Variants in DPRX observed in about 807,000 individuals in gnomAD.
DPRX encodes the protein divergent-paired related homeobox.
In DPRX, 11 loss-of-function variants were observed where a neutral mutation model predicts 8.4. The ratio of observed to expected loss-of-function variants is 1.31; its 90% CI spans 0.82 to 2.17. The LOEUF (loss-of-function observed/expected upper bound fraction) is 2.17, where lower values mean the gene tolerates loss of function less well. Among genes scored for constraint, DPRX ranks in the 30% most tolerant of loss-of-function variants. DPRX has a pLI of 0.00. For missense variants in DPRX, 211 were observed against 236.7 expected (o/e 0.89, Z 0.71); for synonymous variants, 72 against 87.0 (o/e 0.83, Z 0.96).
chr19:53,615,139 T>G, the DPRX span, among the ~76,000 whole-genome samples: 30 of 151,852 alleles, frequency 2.0e-4, no homozygotes, highest in Admixed American at 1.1e-3. Flanking sequence ...CCCAGCTAAT[T>G]TTTTGGACTT....
In DPRX at chr19:53,636,653, CA is replaced by C. The variant is rs770186726; in HGVS notation, c.246del (p.Lys82AsnfsTer20). On this transcript the variant is annotated frameshift_variant, in exon 3 of 3. Transcript: ENST00000376650. LOFTEE classifies it low-confidence loss of function (END_TRUNC). Reference sequence around the variant, plus strand: ...GAAAGCGAAATGCAAGCATATTCATCAAAAACAAGAAACTCCACAACCGCCA... The same window carrying C: ...GAAAGCGAAATGCAAGCATATTCATCAAAACAAGAAACTCCACAACCGCCA... The C allele has an allele frequency of 1.2e-6, 2 of 1,613,968 alleles. No homozygotes were observed. Among genetic ancestry groups the C allele is most frequent in the Admixed American group, 3.3e-5 (2 of 59,958 alleles).
chr19:53,604,613 T>C, the DPRX span: 1 of 152,180 alleles, frequency 6.6e-6, no homozygotes, highest in Non-Finnish European at 1.5e-5. Flanking sequence ...AAGGCTAAGG[T>C]GAGCGGATCA....
the DPRX span, among the ~76,000 whole-genome samples, chr19:53,617,526 C>G: frequency 1.4e-5 from 2 of 142,194 alleles, no homozygotes; most frequent in Non-Finnish European, 1.5e-5. Flanking sequence ...CCATTGCACT[C>G]CAGCCTGGAC....
chr19:53,630,663 G>A (rs1284029856), upstream of DPRX, among the ~76,000 whole-genome samples: 1 of 151,820 alleles, frequency 6.6e-6, no homozygotes, highest in African/African-American at 2.4e-5. Flanking sequence ...AAAAAAAGTA[G>A]CTACAAGCTC....
the DPRX span, chr19:53,604,579 A>G: frequency 6.6e-6 from 1 of 152,582 alleles, no homozygotes; most frequent in Non-Finnish European, 1.5e-5. Context: ...TTAACAACTT[A>G]TAAGAGCTGG....
At chr19:53,634,341 G>T (rs759016906) in intron 1 of DPRX, among the ~76,000 whole-genome samples, 190 bp from the exon 2 acceptor site, 3 of 152,180 alleles carry the variant, frequency 2.0e-5, no homozygotes, top group Non-Finnish European at 4.4e-5. Context: ...TGAGGCAGGA[G>T]AATCGCTTGA....
exon 3 of DPRX, chr19:53,636,776 A>C: frequency 6.2e-7 from 1 of 1,614,170 alleles, no homozygotes; most frequent in Non-Finnish European, 8.5e-7. Context: ...CCTGGTGTAC[A>C]CGGGTCATCG....
chr19:53,602,535 ATTT>A, the DPRX span, among the ~76,000 whole-genome samples: 3 of 124,166 alleles, frequency 2.4e-5, no homozygotes, highest in African/African-American at 2.9e-5. Flanking sequence ...AATTTTTTGT[ATTT>A]TTTTTTTTTT....
At chr19:53,605,455 C>A in the DPRX span, among the ~76,000 whole-genome samples, 1 of 151,130 alleles carries the variant, frequency 6.6e-6, no homozygotes, top group African/African-American at 2.4e-5. Flanking sequence ...TAGCTCACAG[C>A]AAGCTCCGCC....
the DPRX span, among the ~76,000 whole-genome samples, chr19:53,617,556 C>A: frequency 8.6e-6 from 1 of 116,916 alleles, no homozygotes. Flanking sequence ...AAATCTCCGT[C>A]TCACCAAAAA....
At chr19:53,635,745 T>C (rs927524823) in intron 2 of DPRX, among the ~76,000 whole-genome samples, 2 of 152,162 alleles carry the variant, frequency 1.3e-5, no homozygotes, top group Non-Finnish European at 2.9e-5. Context: ...CACAAAATAG[T>C]ACTCTTATTG....
At chr19:53,617,017 G>C in the DPRX span, 2 of 1,168,298 alleles carry the variant, frequency 1.7e-6, no homozygotes, top group Admixed American at 3.4e-5. Flanking sequence ...TCAGAGGCCA[G>C]TAGCTTTCTT....
At chr19:53,627,202 G>T (rs145086674), upstream of DPRX, among the ~76,000 whole-genome samples, 3 of 152,230 alleles carry the variant, frequency 2.0e-5, no homozygotes, top group Non-Finnish European at 4.4e-5. Flanking sequence ...ATAATCCTGA[G>T]AATGATAATA....
At chr19:53,620,883 C>T in the DPRX span, among the ~76,000 whole-genome samples, 1 of 151,496 alleles carries the variant, frequency 6.6e-6, no homozygotes, top group African/African-American at 2.4e-5. Flanking sequence ...CGTGGGCCAC[C>T]ATGCCCAGCC....
the DPRX span, among the ~76,000 whole-genome samples, chr19:53,620,653 C>A: frequency 6.6e-6 from 1 of 152,080 alleles, no homozygotes; most frequent in African/African-American, 2.4e-5. Context: ...GTGTGAGCCA[C>A]CCCGCCCGGG....
chr19:53,606,255 A>G, the DPRX span: 1 of 152,274 alleles, frequency 6.6e-6, no homozygotes, highest in East Asian at 1.9e-4. The surrounding 1 kb of genome is among the most constrained non-coding windows in gnomAD (Gnocchi z 4.8). Context: ...AGGCGTGGGG[A>G]ACGTGGCACC....
At chr19:53,614,515 A>G in the DPRX span, among the ~76,000 whole-genome samples, 6 of 152,184 alleles carry the variant, frequency 3.9e-5, no homozygotes, top group African/African-American at 1.4e-4. Context: ...CCTGGGCAAC[A>G]TAGCGAGACC....
chr19:53,634,404 C>A, intron 1 of DPRX, 127 bp from the exon 2 acceptor site: 1 of 1,229,702 alleles, frequency 8.1e-7, no homozygotes. Context: ...GCACTCCAGC[C>A]TCGGTGACAG....
chr19:53,619,551 T>A, the DPRX span, among the ~76,000 whole-genome samples: 1 of 151,866 alleles, frequency 6.6e-6, no homozygotes. Context: ...GGTGCATGCT[T>A]GTAATCCCAG....
Sources: gnomAD v4.1 joint callset for allele counts (sites outside exome capture counted in the v4.1 genomes callset) on GRCh38, gnomAD v4.1.1 for gene constraint, Gnocchi (gnomAD v3.1) non-coding constraint, MANE v1.5 for transcripts, NCBI Gene and HGNC (gene_info 2026-07-23, HGNC 2026-07-21) for gene names.